Variants in SHQ1 observed in about 807,000 individuals in gnomAD.
SHQ1 encodes protein SHQ1 homolog.
Under a neutral mutation model 53.8 loss-of-function variants are expected in SHQ1, and 49 were observed. The ratio of observed to expected loss-of-function variants is 0.91; its 90% CI spans 0.72 to 1.16. The LOEUF is 1.16. SHQ1 is among the 50% of genes most tolerant of loss of function. The pLI, the probability that SHQ1 is intolerant of heterozygous loss-of-function variation, is 0.00. For synonymous variants in SHQ1, 243 were observed against 251.0 expected (o/e 0.97, Z 0.30); for missense variants, 738 against 683.1 (o/e 1.08, Z -0.90).
intron 10 of SHQ1, among the ~76,000 whole-genome samples, chr3:72,769,984 TG>T (rs1408930243): frequency 1.3e-5 from 2 of 152,202 alleles, no homozygotes; most frequent in Non-Finnish European, 2.9e-5. Context: ...CAAATTCATA[TG>T]GGGCTTGTGA....
rs1048445647 is a variant in SHQ1, at chr3:72,777,091, G to T, written c.1181+15825C>A. On this transcript the variant is annotated intron_variant, in intron 10 of 10. Coordinates refer to ENST00000325599, the MANE Select transcript of SHQ1 (RefSeq NM_018130.3). ...AAGGACTTAAATGCAAAATGCAAAA[G>T]AATAAAAAATTTAGAAGATACTATA... 5.3e-5 allele frequency among the ~76,000 whole-genome samples: 8 copies of T among 152,034 alleles called. No homozygotes were observed. In the South Asian group the frequency reaches 1.7e-3, roughly 32 times the overall value.
At chr3:72,790,609 T>C (rs1559673329) in intron 10 of SHQ1, among the ~76,000 whole-genome samples, 1 of 152,204 alleles carries the variant, frequency 6.6e-6, no homozygotes, top group Non-Finnish European at 1.5e-5. Flanking sequence ...TAGAATTATT[T>C]AGACCTAAGA....
downstream of SHQ1, among the ~76,000 whole-genome samples, chr3:72,744,521 A>ACACAT (rs1270324376): frequency 6.6e-6 from 1 of 152,174 alleles, no homozygotes; most frequent in Non-Finnish European, 1.5e-5. Context: ...AAAACAGCAA[A>ACACAT]GTCATTTATC....
chr3:72,814,172 A>G (rs1171696792), intron 8 of SHQ1, among the ~76,000 whole-genome samples: 2 of 152,252 alleles, frequency 1.3e-5, no homozygotes, highest in Non-Finnish European at 2.9e-5. Context: ...AGAATTAGGA[A>G]CTTAAAAATC....
At chr3:72,842,213 C>CTACAAA in intron 3 of SHQ1, 67 bp downstream of exon 3, 1 of 1,561,018 alleles carries the variant, frequency 6.4e-7, no homozygotes, top group South Asian at 1.1e-5. Flanking sequence ...CCCATTTCCC[C>CTACAAA]TACAAATACA....
chr3:72,804,967 C>T (rs191252894), intron 9 of SHQ1, among the ~76,000 whole-genome samples: 4 of 152,274 alleles, frequency 2.6e-5, no homozygotes, highest in Non-Finnish European at 4.4e-5. Context: ...GTCATGTGAA[C>T]GTCACAGAAT....
Position 72,832,434 on chromosome 3 carries a change from A to T in SHQ1, c.534T>A (p.Pro178=). ...GGCGCTTCTGTCTTCGTTCAGCTGCAGGGGTGAAATCTGGATCCTTAATAT... is the reference window on the plus strand; with the variant it reads ...GGCGCTTCTGTCTTCGTTCAGCTGCTGGGGTGAAATCTGGATCCTTAATAT... ...VIDIKDPDFT[P]AAERRQKRLA... Residue 178 remains proline (P), a synonymous_variant, in exon 5 of 11, where the codon CCT becomes CCA. Coordinates refer to ENST00000325599, the MANE Select transcript of SHQ1 (RefSeq NM_018130.3). The T allele has an allele frequency of 6.2e-7, 1 of 1,613,094 alleles. No homozygotes were observed. The highest frequency in any genetic ancestry group is 8.5e-7 in the Non-Finnish European group (1 of 1,179,972).
chr3:72,824,661 GT>G, intron 5 of SHQ1, 110 bp from the exon 6 acceptor site: 1 of 1,260,062 alleles, frequency 7.9e-7, no homozygotes, highest in South Asian at 1.6e-5. Context: ...TTAATTCAAA[GT>G]ACATTTCAAG....
chr3:72,819,475 T>C (rs1455526099), intron 6 of SHQ1, among the ~76,000 whole-genome samples: 2 of 152,184 alleles, frequency 1.3e-5, no homozygotes, highest in Non-Finnish European at 2.9e-5. Flanking sequence ...TCTGGATTTA[T>C]AGCTTTAGTT....
chr3:72,828,437 G>C (rs1707728615), intron 5 of SHQ1, among the ~76,000 whole-genome samples: 1 of 152,178 alleles, frequency 6.6e-6, no homozygotes, highest in Non-Finnish European at 1.5e-5. Flanking sequence ...GCTCATGTCT[G>C]TAATCCCAAC....
At chr3:72,815,175 A>C (rs534110824) in intron 8 of SHQ1, among the ~76,000 whole-genome samples, 175 bp downstream of exon 8, 37 of 152,020 alleles carry the variant, frequency 2.4e-4, no homozygotes, top group South Asian at 1.0e-3. Context: ...CTTCCAAAGT[A>C]CTCTACCTGG....
At chr3:72,784,000 G>A (rs937784131) in intron 10 of SHQ1, among the ~76,000 whole-genome samples, 13 of 151,918 alleles carry the variant, frequency 8.6e-5, no homozygotes, top group Admixed American at 4.6e-4. Context: ...ATCAATATTC[G>A]TTCATTAATT....
chr3:72,830,858 C>T (rs890508703), intron 5 of SHQ1, among the ~76,000 whole-genome samples: 9 of 152,182 alleles, frequency 5.9e-5, no homozygotes, highest in East Asian at 5.8e-4. Flanking sequence ...TATAATATCA[C>T]ACTGCTAACT....
the SHQ1 span, among the ~76,000 whole-genome samples, chr3:72,744,050 C>G: frequency 2.0e-5 from 3 of 152,162 alleles, no homozygotes; most frequent in Admixed American, 6.5e-5. Context: ...AGGGGAAACA[C>G]AAATGCAATA....
intron 10 of SHQ1, among the ~76,000 whole-genome samples, chr3:72,781,443 T>G (rs1706072003): frequency 6.6e-6 from 1 of 152,336 alleles, no homozygotes. Flanking sequence ...AATAATTAGA[T>G]AATTCTTCAG....
chr3:72,829,312 C>G (rs900157626), intron 5 of SHQ1, among the ~76,000 whole-genome samples: 2 of 152,148 alleles, frequency 1.3e-5, no homozygotes, highest in African/African-American at 4.8e-5. Context: ...CACTTGATTA[C>G]AATAAAACCC....
chr3:72,847,723 G>T (rs1429972769), intron 1 of SHQ1, among the ~76,000 whole-genome samples: 3 of 152,054 alleles, frequency 2.0e-5, no homozygotes, highest in Non-Finnish European at 4.4e-5. Flanking sequence ...TAAGAATTTC[G>T]GTAAGTAGGG....
Position 72,774,430 on chromosome 3 carries a change from C to T in SHQ1, c.1181+18486G>A, listed in dbSNP as rs183578889. Among the ~76,000 whole-genome samples the T allele has an allele frequency of 2.3e-3, 350 of 149,452 alleles. 1 individual carries two copies. The highest frequency in any genetic ancestry group is 7.8e-3 in the African/African-American group (304 of 38,990). Reference sequence around the variant, plus strand: ...AACCAAAAGTGTATGAAAACTGACACCATTCTAGACATAAAATTAATCTCA... The same window carrying T: ...AACCAAAAGTGTATGAAAACTGACATCATTCTAGACATAAAATTAATCTCA... On this transcript the variant is annotated intron_variant, in intron 10 of 10. Coordinates refer to ENST00000325599, the MANE Select transcript of SHQ1 (RefSeq NM_018130.3).
At chr3:72,727,686 C>T in the SHQ1 span, among the ~76,000 whole-genome samples, 1 of 152,070 alleles carries the variant, frequency 6.6e-6, no homozygotes, top group African/African-American at 2.4e-5. Flanking sequence ...TGCCTAAATT[C>T]ATACCTCAGC....
Sources: gnomAD v4.1 joint callset for allele counts (sites outside exome capture counted in the v4.1 genomes callset) on GRCh38, gnomAD v4.1.1 for gene constraint, MANE v1.5 for transcripts, NCBI Gene and HGNC (gene_info 2026-07-23, HGNC 2026-07-21) for gene names.